The following CCDC60 variants were observed in gnomAD, a reference collection of about 807,000 sequenced individuals.
CCDC60 encodes coiled-coil domain containing 60.
Under a neutral mutation model 63.5 loss-of-function variants are expected in CCDC60, and 54 were observed. The ratio of observed to expected loss-of-function variants is 0.85; its 90% CI spans 0.68 to 1.07. The LOEUF (loss-of-function observed/expected upper bound fraction) is 1.07, where lower values mean the gene tolerates loss of function less well. CCDC60 is among the 50% of genes least tolerant of loss of function. The pLI, the probability that CCDC60 is intolerant of heterozygous loss-of-function variation, is 0.00. For synonymous variants in CCDC60, 206 were observed against 238.8 expected, an observed-to-expected ratio of 0.86 and a Z score of 1.27; for missense variants, 651 against 684.3, an observed-to-expected ratio of 0.95 and a Z score of 0.54.
intron 1 of CCDC60, among the ~76,000 whole-genome samples, chr12:119,426,990 C>T (rs12297270): frequency 0.063 from 9,616 of 152,298 alleles, 300 homozygotes; most frequent in East Asian, 0.096. Context: ...TCCTCCCACA[C>T]ATCAATATTG....
intron 7 of CCDC60, among the ~76,000 whole-genome samples, chr12:119,511,075 G>C (rs548195595): frequency 6.6e-6 from 1 of 152,262 alleles, no homozygotes; most frequent in South Asian, 2.1e-4. Context: ...GCACACAGTA[G>C]GAACACAAAA....
At chr12:119,507,393 C>A (rs1449028345) in intron 7 of CCDC60, among the ~76,000 whole-genome samples, 1 of 150,056 alleles carries the variant, frequency 6.7e-6, no homozygotes, top group Non-Finnish European at 1.5e-5. Flanking sequence ...CTAAGATAGA[C>A]CATCAGCAGA....
intron 10 of CCDC60, 67 bp from the exon 11 acceptor site, chr12:119,523,626 G>A: frequency 1.9e-6 from 3 of 1,599,822 alleles, no homozygotes; most frequent in Non-Finnish European, 2.6e-6. Context: ...GGGCCAGAGT[G>A]GGACCCAGGT....
At chr12:119,519,853 A>AGT (rs376695394) in intron 8 of CCDC60, among the ~76,000 whole-genome samples, 352 of 135,222 alleles carry the variant, frequency 2.6e-3, no homozygotes, top group East Asian at 6.4e-3. Flanking sequence ...AGAGAGAGAG[A>AGT]GAGTGTGTGT....
chr12:119,343,418 A>C (rs976629933), intron 1 of CCDC60, among the ~76,000 whole-genome samples: 1 of 152,086 alleles, frequency 6.6e-6, no homozygotes, highest in African/African-American at 2.4e-5. Context: ...CAGGGGTTTC[A>C]TAGTGGCTGT....
chr12:119,374,290 A>G (rs552547073), intron 1 of CCDC60, among the ~76,000 whole-genome samples: 1 of 152,306 alleles, frequency 6.6e-6, no homozygotes, highest in Non-Finnish European at 1.5e-5. Flanking sequence ...AATATAATGT[A>G]TTACACCACT....
intron 13 of CCDC60, 33 bp downstream of exon 13, chr12:119,531,096 T>A (rs771876337): frequency 6.3e-7 from 1 of 1,576,524 alleles, no homozygotes; most frequent in Non-Finnish European, 8.7e-7. Context: ...CCACAGTGTT[T>A]CAGGTGTCCT....
chr12:119,480,785 T>C (rs950860221), intron 4 of CCDC60, among the ~76,000 whole-genome samples: 18 of 136,278 alleles, frequency 1.3e-4, no homozygotes, highest in African/African-American at 5.1e-4. Flanking sequence ...ATCATCACCA[T>C]CATCATCACC....
rs181874723 is a variant in CCDC60, at chr12:119,394,362, C to G, written c.91-34321C>G. Among the ~76,000 whole-genome samples, 299 of 152,308 alleles carry G rather than the reference C, an allele frequency of 2.0e-3. 6 individuals carry two copies. Among genetic ancestry groups the G allele is most frequent in the Non-Finnish European group, 7.9e-4 (54 of 68,030 alleles). On this transcript the variant is annotated intron_variant, in intron 1 of 13. Coordinates refer to ENST00000327554, the MANE Select transcript of CCDC60 (RefSeq NM_178499.5). ...CTTTTTCTTCTTAAAAGCATTTTCCCTAGTTCCTTCTGCCTGTTACAAAGG... is the reference window on the plus strand; with the variant it reads ...CTTTTTCTTCTTAAAAGCATTTTCCGTAGTTCCTTCTGCCTGTTACAAAGG...
intron 2 of CCDC60, among the ~76,000 whole-genome samples, chr12:119,465,862 C>G (rs1950944835): frequency 6.6e-6 from 1 of 152,196 alleles, no homozygotes; most frequent in Non-Finnish European, 1.5e-5. Context: ...GCCACTCATA[C>G]TGGCATAAAC....
At chr12:119,443,163 C>T (rs1478984609) in intron 2 of CCDC60, among the ~76,000 whole-genome samples, 1 of 152,234 alleles carries the variant, frequency 6.6e-6, no homozygotes, top group Non-Finnish European at 1.5e-5. Flanking sequence ...ATCCTAGGCT[C>T]AGCCTTTTCT....
At chr12:119,477,700 G>A (rs999307208) in intron 3 of CCDC60, among the ~76,000 whole-genome samples, 10 of 152,256 alleles carry the variant, frequency 6.6e-5, no homozygotes, top group South Asian at 2.1e-4. Context: ...AAGAAAGGCA[G>A]AGAGTGAGAA....
intron 12 of CCDC60, 60 bp from the exon 13 acceptor site, chr12:119,530,814 C>G: frequency 6.9e-7 from 1 of 1,440,546 alleles, no homozygotes; most frequent in Non-Finnish European, 9.6e-7. Context: ...AGATGGATGG[C>G]CAGAGGTGCT....
chr12:119,468,048 G>T (rs1365445088), intron 2 of CCDC60, among the ~76,000 whole-genome samples: 1 of 152,082 alleles, frequency 6.6e-6, no homozygotes, highest in African/African-American at 2.4e-5. Flanking sequence ...GCCGAGGTGG[G>T]TGGGTCATAA....
At chr12:119,435,889 C>T (rs906875473) in intron 2 of CCDC60, among the ~76,000 whole-genome samples, 21 of 152,148 alleles carry the variant, frequency 1.4e-4, no homozygotes, top group Non-Finnish European at 4.4e-5. Context: ...TTTTGCTGAT[C>T]TTGGCTGGAT....
chr12:119,352,298 T>C (rs974769639), intron 1 of CCDC60, among the ~76,000 whole-genome samples: 17 of 152,202 alleles, frequency 1.1e-4, no homozygotes, highest in African/African-American at 3.4e-4. Flanking sequence ...GAGATTTGAA[T>C]GGGGACATGG....
chr12:119,360,997 G>A (rs1029207504), intron 1 of CCDC60, among the ~76,000 whole-genome samples: 10 of 152,024 alleles, frequency 6.6e-5, no homozygotes, highest in South Asian at 2.1e-4. Context: ...CCAGTCAGGC[G>A]TGGCGGCGTG....
chr12:119,460,438 TTTC>T (rs1178252626), intron 2 of CCDC60, among the ~76,000 whole-genome samples: 6 of 152,340 alleles, frequency 3.9e-5, no homozygotes, highest in African/African-American at 1.4e-4. Context: ...GTTTTTGTGT[TTTC>T]TTCTTTGTGG....
rs6490256 is a variant in CCDC60, at chr12:119,496,609, C to T, written c.558-3469C>T. On this transcript the variant is annotated intron_variant, in intron 5 of 13. Transcript: ENST00000327554. ...GCTGAACTGTATTCAGCTCTCTGTA[C>T]ACAGCACCCATGAAGCCCTTAATAA... is the stretch of plus-strand genomic sequence containing the variant. Among the ~76,000 whole-genome samples the T allele has an allele frequency of 9.9e-3, 1,502 of 152,322 alleles. 29 individuals carry two copies. Among genetic ancestry groups the T allele is most frequent in the African/African-American group, 0.034 (1,395 of 41,560 alleles).
Sources: allele counts gnomAD v4.1 joint callset (sites outside exome capture counted in the v4.1 genomes callset), GRCh38; gene constraint gnomAD v4.1.1; transcripts MANE v1.5; gene names NCBI Gene and HGNC (gene_info 2026-07-23, HGNC 2026-07-21).